Variants in GRID2IP observed in about 807,000 individuals in gnomAD.
The protein encoded by GRID2IP is Grid2 interacting protein, also known as delphilin.
A neutral mutation model predicts 114.3 loss-of-function variants in GRID2IP; 78 were observed. That is an observed-to-expected ratio of 0.68 (90% confidence interval 0.57 to 0.82). GRID2IP has a LOEUF of 0.82. GRID2IP is among the 40% of genes least tolerant of loss of function. The probability of loss-of-function intolerance (pLI) is 0.00; values close to 1 mark genes in which losing one functional copy is unlikely to be tolerated. For missense variants in GRID2IP, 1,727 were observed against 1,678.5 expected (o/e 1.03, Z -0.51); for synonymous variants, 809 against 724.0 (o/e 1.12, Z -1.89).
intron 1 of GRID2IP, among the ~76,000 whole-genome samples, chr7:6,542,940 G>T (rs967852256): frequency 6.6e-6 from 1 of 152,186 alleles, no homozygotes; most frequent in Admixed American, 6.6e-5. Context: ...GGCTGAGTGA[G>T]TCCATGAGTC....
At chr7:6,550,803 G>C (rs1243865313) in intron 1 of GRID2IP, among the ~76,000 whole-genome samples, 1 of 151,958 alleles carries the variant, frequency 6.6e-6, no homozygotes, top group Non-Finnish European at 1.5e-5. Flanking sequence ...ACTCCAGCTT[G>C]GGTGACAGAG....
At chr7:6,513,217 C>A (rs1222791101) in intron 8 of GRID2IP, among the ~76,000 whole-genome samples, 1 of 151,652 alleles carries the variant, frequency 6.6e-6, no homozygotes, top group Non-Finnish European at 1.5e-5. Flanking sequence ...CTGGCAACCA[C>A]GTGAGTTTCT....
At position 6,510,711 on chromosome 7, in the gene GRID2IP, C is replaced by G. The variant is rs371188392; in HGVS notation, c.1556-5G>C. Reference sequence around the variant, plus strand: ...TCTCAGGGCACTCGCTGGGACCTACCGGGGAATAATGTCATTACCGTATCT... The same window carrying G: ...TCTCAGGGCACTCGCTGGGACCTACGGGGGAATAATGTCATTACCGTATCT... On this transcript the variant is annotated splice_region_variant and splice_polypyrimidine_tract_variant and intron_variant, in intron 9 of 21. Transcript: ENST00000457091. The G allele has an allele frequency of 6.5e-7, 1 of 1,547,708 alleles. No homozygotes were observed. The highest frequency in any genetic ancestry group is 8.7e-7 in the Non-Finnish European group (1 of 1,144,948).
chr7:6,498,572 CTTTTTTTT>C (rs34146767), intron 20 of GRID2IP, among the ~76,000 whole-genome samples: 52 of 68,144 alleles, frequency 7.6e-4, no homozygotes, highest in South Asian at 2.3e-3. Context: ...CTAGGCCTTA[CTTTTTTTT>C]TTTTTTTTTT....
In GRID2IP at chr7:6,507,771, A is replaced by G. The variant is rs1786636735; in HGVS notation, c.2544+214T>C. On this transcript the variant is annotated intron_variant, in intron 13 of 21. Transcript: ENST00000457091. This position sits in a 1 kb window ranked among gnomAD's most constrained non-coding sequence, Gnocchi z 5.3. ...TAGGGTGGCATTTCCAGGTGTCCCC[A>G]GTGTGTGTCTTTGGCTGAGGGACAC... 6.6e-6 allele frequency among the ~76,000 whole-genome samples: 1 copy of G among 152,234 alleles called. No homozygotes were observed. Among genetic ancestry groups the G allele is most frequent in the Non-Finnish European group, 1.5e-5 (1 of 68,048 alleles).
In GRID2IP at chr7:6,502,739, T is replaced by C. The variant is rs760298564; in HGVS notation, c.3150+47A>G. The C allele has an allele frequency of 2.8e-6, 4 of 1,413,758 alleles. No individual in the cohort carries two copies. In the South Asian group the frequency reaches 4.9e-5, roughly 17 times the overall value. The allele number at this position is 1,413,758 out of a possible 1,614,324, so 87.6% of individuals were successfully genotyped here. A position where few individuals can be genotyped will look rare whatever the true frequency, so the allele number is the denominator to read the frequency against. On this transcript the variant is annotated intron_variant, in intron 18 of 21. Coordinates refer to ENST00000457091, the MANE Select transcript of GRID2IP (RefSeq NM_001145118.2). The stretch of plus-strand genomic sequence containing the variant: ...CTGAGCTAGGCCTGGCGTTAGCGCC[T>C]TGCTGGTAGAGCAAACCAGTCGATT...
At chr7:6,548,884 C>G (rs903494778) in intron 1 of GRID2IP, among the ~76,000 whole-genome samples, 1 of 151,968 alleles carries the variant, frequency 6.6e-6, no homozygotes, top group African/African-American at 2.4e-5. Context: ...GTGTCCCAGC[C>G]GCCAAGCAAA....
At chr7:6,539,637 G>T in intron 2 of GRID2IP, 81 bp downstream of exon 2, 1 of 1,328,570 alleles carries the variant, frequency 7.5e-7, no homozygotes. Flanking sequence ...GCTGGAAGGG[G>T]TGCCTGGGGT....
chr7:6,543,290 G>A (rs1429095773), intron 1 of GRID2IP, among the ~76,000 whole-genome samples: 7 of 152,008 alleles, frequency 4.6e-5, no homozygotes, highest in African/African-American at 1.7e-4. Flanking sequence ...CCAGTTACTC[G>A]GGAGGCTGAG....
Position 6,508,807 on chromosome 7 carries a change from AG to A in GRID2IP, c.2127+150del. 1 of 1,248,644 alleles carries A rather than the reference AG, an allele frequency of 8.0e-7. No individual in the cohort carries two copies. The highest frequency in any genetic ancestry group is 2.8e-5 in the Admixed American group (1 of 35,192). The allele number at this position is 1,248,644 out of a possible 1,614,324, so 77.3% of individuals were successfully genotyped here. On this transcript the variant is annotated intron_variant, in intron 12 of 21. Coordinates refer to ENST00000457091, the MANE Select transcript of GRID2IP (RefSeq NM_001145118.2). The surrounding 1 kb of genome is among the most constrained non-coding windows in gnomAD (Gnocchi z 5.6). ...ACAGGAGATAGGGTAACCTGGGGCA[AG>A]GGGTGGGATAGCTTGAGCTAGGGAG...
At position 6,551,441 on chromosome 7, in the gene GRID2IP, C is replaced by G. The variant is rs1356537066; in HGVS notation, c.-5G>C. Reference sequence around the variant, plus strand: ...CGGCGTGGCAGTGGTGGCCATGCACCTAGAACTGGAGACAGAACAGGGATT... The same window carrying G: ...CGGCGTGGCAGTGGTGGCCATGCACGTAGAACTGGAGACAGAACAGGGATT... On this transcript the variant is annotated 5_prime_UTR_variant, in exon 1 of 22. Transcript: ENST00000457091. 6.5e-7 allele frequency: 1 copy of G among 1,540,784 alleles called. No individual in the cohort carries two copies. The highest frequency in any genetic ancestry group is 1.2e-5 in the South Asian group (1 of 82,872).
At chr7:6,542,814 G>A (rs758536920) in intron 1 of GRID2IP, among the ~76,000 whole-genome samples, 1 of 152,148 alleles carries the variant, frequency 6.6e-6, no homozygotes, top group Non-Finnish European at 1.5e-5. Context: ...TTGCCCACAT[G>A]TCATACAGTT....
At chr7:6,540,122 C>T (rs1044051467) in intron 1 of GRID2IP, among the ~76,000 whole-genome samples, 4 of 140,198 alleles carry the variant, frequency 2.9e-5, no homozygotes, top group Non-Finnish European at 6.2e-5. Flanking sequence ...CCTTCCCTTC[C>T]TTTCTTTTTG....
intron 20 of GRID2IP, 145 bp from the exon 21 acceptor site, chr7:6,498,373 C>T (rs951656228): frequency 1.4e-6 from 1 of 731,052 alleles, no homozygotes. Flanking sequence ...AACAGGGAAC[C>T]AGGCCCTGTT....
intron 1 of GRID2IP, among the ~76,000 whole-genome samples, chr7:6,548,572 TCACGC>T (rs1779920760): frequency 6.6e-6 from 1 of 151,894 alleles, no homozygotes; most frequent in East Asian, 1.9e-4. Context: ...ATGCGGTGGC[TCACGC>T]CTGTAATCCC....
intron 1 of GRID2IP, among the ~76,000 whole-genome samples, chr7:6,550,457 A>C (rs1316507349): frequency 6.6e-6 from 1 of 152,050 alleles, no homozygotes; most frequent in Non-Finnish European, 1.5e-5. Context: ...ATTGAGCTGC[A>C]CACTTAATGC....
intron 16 of GRID2IP, 62 bp from the exon 17 acceptor site, chr7:6,503,225 A>AAAGCCTGCGGTGG: frequency 1.8e-6 from 1 of 545,252 alleles, no homozygotes; most frequent in Non-Finnish European, 3.0e-6. Context: ...GCCCCACCGC[A>AAAGCCTGCGGTGG]GGCTTTGGGG....
In GRID2IP at chr7:6,539,884, A is replaced by C. The variant is rs1204127903; in HGVS notation, c.430-12T>G. ...AAGATTTCATCCACCTGCAAGGAGG[A>C]GTCCTGTGAATGACCAAAAGGGATC... On this transcript the variant is annotated splice_polypyrimidine_tract_variant and intron_variant, in intron 1 of 21. Coordinates refer to ENST00000457091, the MANE Select transcript of GRID2IP (RefSeq NM_001145118.2). The C allele has an allele frequency of 3.2e-6, 5 of 1,548,720 alleles. No individual in the cohort carries two copies. The highest frequency in any genetic ancestry group is 4.4e-6 in the Non-Finnish European group (5 of 1,145,278).
chr7:6,510,677 G>A lies in GRID2IP; in HGVS notation c.1585C>T (p.Pro529Ser). 1.3e-6 allele frequency: 2 copies of A among 1,546,576 alleles called. No individual in the cohort carries two copies. Among genetic ancestry groups the A allele is most frequent in the African/African-American group, 1.4e-5 (1 of 72,828 alleles). Residue 529 changes from proline (P) to serine (S), a missense_variant, in exon 10 of 22, where the codon CCC (proline) becomes TCC (serine). Transcript: ENST00000457091. ...GCCTGGCGCTCGCCTGGGATCAGGG[G>A]AAGAGGCATCTCAGGGCACTCGCTG... ...GPSECPEMPL[P>S]LIPGERQAGD... is the part of the protein sequence containing the mutation.
Sources: allele counts gnomAD v4.1 joint callset (sites outside exome capture counted in the v4.1 genomes callset), GRCh38; gene constraint gnomAD v4.1.1; non-coding constraint Gnocchi (gnomAD v3.1); transcripts MANE v1.5; gene names NCBI Gene and HGNC (gene_info 2026-07-23, HGNC 2026-07-21).